ZMYND8: variants seen among roughly 807,000 people sequenced by gnomAD.
ZMYND8 encodes zinc finger MYND-type containing 8.
Under a neutral mutation model 140.8 loss-of-function variants are expected in ZMYND8, and 37 were observed. The observed-to-expected ratio is 0.26, with a 90% CI of 0.20 to 0.35. ZMYND8 has a LOEUF of 0.35. Among genes scored for constraint, ZMYND8 ranks in the 10% least tolerant of loss-of-function variants. The probability of loss-of-function intolerance (pLI) is 1.00; values close to 1 mark genes in which losing one functional copy is unlikely to be tolerated. For missense variants in ZMYND8, 1,068 were observed against 1,570.0 expected, an observed-to-expected ratio of 0.68 and a Z score of 5.40; for synonymous variants, 592 against 597.1, an observed-to-expected ratio of 0.99 and a Z score of 0.12.
In ZMYND8 at chr20:47,276,644, G is replaced by T. The variant is rs540566589; in HGVS notation, c.1150C>A (p.Pro384Thr). ...RRKFGVFNYS[P>T]FRTPYTPNSQ... ...TTGGGTGTGTAGGGTGTCCTAAATGGAGAGTAATTAAAAACCCCAAACTTC... is the reference window on the plus strand; with the variant it reads ...TTGGGTGTGTAGGGTGTCCTAAATGTAGAGTAATTAAAAACCCCAAACTTC... Residue 384 changes from proline (P) to threonine (T), a missense_variant, in exon 11 of 23, where the codon CCA becomes ACA. Pro to Thr is a conservative substitution (Grantham distance 38). This residue lies in a region of ZMYND8 where 49 missense variants were observed against 94.1 expected (regional missense o/e 0.52). Coordinates refer to ENST00000471951, the MANE Select transcript of ZMYND8 (RefSeq NM_001281775.3). 6.2e-7 allele frequency: 1 copy of T among 1,613,860 alleles called. No homozygotes were observed. Among genetic ancestry groups the T allele is most frequent in the African/African-American group, 1.3e-5 (1 of 74,934 alleles).
chr20:47,294,419 A>G (rs2077512146), intron 5 of ZMYND8, among the ~76,000 whole-genome samples: 1 of 152,172 alleles, frequency 6.6e-6, no homozygotes, highest in Non-Finnish European at 1.5e-5. Flanking sequence ...CTCAGGTAAT[A>G]TCTTTACAAT....
intron 11 of ZMYND8, among the ~76,000 whole-genome samples, chr20:47,269,946 A>G (rs1212087048): frequency 6.6e-6 from 1 of 152,250 alleles, no homozygotes; most frequent in Non-Finnish European, 1.5e-5. Flanking sequence ...AAACATATTC[A>G]GAATACAAGG....
chr20:47,276,826 G>C, intron 10 of ZMYND8, 31 bp from the exon 11 acceptor site: 1 of 1,513,564 alleles, frequency 6.6e-7, no homozygotes, highest in Non-Finnish European at 8.8e-7. Context: ...GAGAGTTTAA[G>C]TCAACTTCAG....
At chr20:47,302,337 T>C (rs563845569) in intron 3 of ZMYND8, among the ~76,000 whole-genome samples, 5 of 152,194 alleles carry the variant, frequency 3.3e-5, no homozygotes, top group Admixed American at 2.6e-4. Flanking sequence ...TAGCTGGGCA[T>C]GGTGGCACAT....
At chr20:47,274,419 T>C (rs999691239) in intron 11 of ZMYND8, among the ~76,000 whole-genome samples, 5 of 152,242 alleles carry the variant, frequency 3.3e-5, no homozygotes, top group African/African-American at 1.2e-4. Context: ...GCAACACTAA[T>C]TCACAAAGTC....
At chr20:47,355,698 G>C (rs1318586128) in intron 1 of ZMYND8, 2 of 160,258 alleles carry the variant, frequency 1.2e-5, no homozygotes, top group African/African-American at 4.8e-5. Context: ...GTATAAAAGG[G>C]ACAGGAAAAT....
intron 12 of ZMYND8, among the ~76,000 whole-genome samples, chr20:47,258,498 C>CA (rs918731692): frequency 6.6e-6 from 1 of 152,192 alleles, no homozygotes; most frequent in African/African-American, 2.4e-5. Flanking sequence ...CCACCACAAC[C>CA]AAAACACAGA....
At chr20:47,265,168 G>A (rs1273531637) in intron 11 of ZMYND8, among the ~76,000 whole-genome samples, 1 of 151,658 alleles carries the variant, frequency 6.6e-6, no homozygotes, top group Non-Finnish European at 1.5e-5. Context: ...GCAATTTGCA[G>A]CTGCTCAAAT....
chr20:47,239,501 GCA>G (rs1300502583), intron 14 of ZMYND8, among the ~76,000 whole-genome samples: 1 of 152,184 alleles, frequency 6.6e-6, no homozygotes, highest in Non-Finnish European at 1.5e-5. Flanking sequence ...CGCCCTTTTC[GCA>G]AAGTTAAAAT....
chr20:47,323,299 G>C (rs2080124543), intron 2 of ZMYND8, among the ~76,000 whole-genome samples: 1 of 152,140 alleles, frequency 6.6e-6, no homozygotes, highest in Non-Finnish European at 1.5e-5. Context: ...CTGCAGGACA[G>C]TGGCACAGTC....
In ZMYND8 at chr20:47,249,585, C is replaced by T. The variant is rs2074002739; in HGVS notation, c.1622-146G>A. 35 of 1,144,116 alleles carry T rather than the reference C, an allele frequency of 3.1e-5. 1 individual carries two copies. The South Asian group carries it at 3.9e-4, about 13-fold the overall frequency. 70.9% of individuals were successfully genotyped at this position (1,144,116 alleles called of 1,614,324 possible). A position where few individuals can be genotyped will look rare whatever the true frequency, so the allele number is the denominator to read the frequency against. ...TTTTTGTCATTCATCCCAACAATATCATCTGCTCAACCAAATGGGGTGACA... is the reference window on the plus strand; with the variant it reads ...TTTTTGTCATTCATCCCAACAATATTATCTGCTCAACCAAATGGGGTGACA... On this transcript the variant is annotated intron_variant, in intron 12 of 22. Transcript: ENST00000471951.
In ZMYND8 at chr20:47,212,719, T is replaced by C. The variant is rs532287107; in HGVS notation, c.3491A>G (p.Lys1164Arg). 1 of 1,611,690 alleles carries C rather than the reference T, an allele frequency of 6.2e-7. No individual in the cohort carries two copies. The highest frequency in any genetic ancestry group is 1.1e-5 in the South Asian group (1 of 90,896). ...LLGSNQGSVS[K>R]RCDKQPAYAP... ...ATAGGCAGGTTGCTTGTCACACCTT[T>C]TGCTAACTGAAGAGATAGCACAGGT... Residue 1164 changes from lysine to arginine, a missense_variant, in exon 22 of 23, where the codon AAA becomes AGA. Around this residue, in one of 10 missense-constraint regions of ZMYND8, gnomAD observed 180 missense variants for 187.8 expected, o/e 0.96. Transcript: ENST00000471951.
At chr20:47,301,224 G>A (rs950662694) in intron 3 of ZMYND8, among the ~76,000 whole-genome samples, 7 of 147,998 alleles carry the variant, frequency 4.7e-5, no homozygotes, top group African/African-American at 1.3e-4. Flanking sequence ...GCGTGATCTC[G>A]GCTCACTGCA....
At position 47,221,455 on chromosome 20, in the gene ZMYND8, T is replaced by G; in HGVS notation, c.3276A>C (p.Glu1092Asp). The G allele has an allele frequency of 6.2e-7, 1 of 1,614,082 alleles. No homozygotes were observed. Residue 1092 changes from glutamate to aspartate, a missense_variant, in exon 20 of 23, where the codon GAA (glutamate) becomes GAC (aspartate). Transcript: ENST00000471951. ...CTQSATAPQQ[E>D]ADAEVNTETL... ...TTTCTGTGTTCACCTCAGCATCCGC[T>G]TCCTGCTGAGGAGCAGTAGCTGGGG...
At chr20:47,268,394 C>T (rs1325970950) in intron 11 of ZMYND8, among the ~76,000 whole-genome samples, 9 of 150,588 alleles carry the variant, frequency 6.0e-5, no homozygotes, top group Non-Finnish European at 1.3e-4. Context: ...CCCGGGTTCA[C>T]GCCATTCTCC....
chr20:47,311,501 C>T (rs1045251505), intron 2 of ZMYND8, among the ~76,000 whole-genome samples: 1 of 152,036 alleles, frequency 6.6e-6, no homozygotes, highest in Non-Finnish European at 1.5e-5. Context: ...TTGCAGACGT[C>T]TGTTTCAAGT....
intron 21 of ZMYND8, among the ~76,000 whole-genome samples, chr20:47,218,112 ATACT>A (rs1483377958): frequency 6.6e-6 from 1 of 152,166 alleles, no homozygotes; most frequent in Admixed American, 6.5e-5. Flanking sequence ...AAAACCTAAA[ATACT>A]TACTAAATGG....
intron 2 of ZMYND8, among the ~76,000 whole-genome samples, chr20:47,342,439 C>T (rs1381113852): frequency 3.4e-5 from 5 of 147,210 alleles, no homozygotes; most frequent in African/African-American, 1.0e-4. Flanking sequence ...CCCAGTTACT[C>T]GGGAGGCTGA....
chr20:47,325,934 G>A (rs1388330710), intron 2 of ZMYND8, among the ~76,000 whole-genome samples: 1 of 151,994 alleles, frequency 6.6e-6, no homozygotes, highest in Admixed American at 6.5e-5. Context: ...ACCACACCCA[G>A]CTAATTTTAT....
Sources: allele counts gnomAD v4.1 joint callset (sites outside exome capture counted in the v4.1 genomes callset), GRCh38; gene constraint gnomAD v4.1.1; regional missense constraint gnomAD v4.1.1; transcripts MANE v1.5; gene names NCBI Gene and HGNC (gene_info 2026-07-23, HGNC 2026-07-21).